The following NPEPPS variants were observed in gnomAD, a reference collection of about 807,000 sequenced individuals.
NPEPPS encodes puromycin-sensitive aminopeptidase.
Under a neutral mutation model 115.5 loss-of-function variants are expected in NPEPPS, and 14 were observed. That is an observed-to-expected ratio of 0.12 (90% confidence interval 0.08 to 0.19). The LOEUF (loss-of-function observed/expected upper bound fraction) is 0.19. Among genes scored for constraint, NPEPPS ranks in the 10% least tolerant of loss-of-function variants. NPEPPS has a pLI of 1.00. For missense variants in NPEPPS, 523 were observed against 1,110.8 expected, an observed-to-expected ratio of 0.47 and a Z score of 7.52; for synonymous variants, 285 against 390.6, an observed-to-expected ratio of 0.73 and a Z score of 3.19.
intron 4 of NPEPPS, 190 bp from the exon 5 acceptor site, chr17:47,582,552 C>T: frequency 1.6e-6 from 1 of 635,164 alleles, no homozygotes; most frequent in Non-Finnish European, 2.9e-6. Flanking sequence ...TGGATATTTG[C>T]TGGAATGGCA....
chr17:47,526,943 G>C (rs1345825867), upstream of NPEPPS, among the ~76,000 whole-genome samples: 3 of 151,942 alleles, frequency 2.0e-5, no homozygotes, highest in African/African-American at 7.3e-5. Context: ...GGGCGGCAGA[G>C]CGAGACTCTG....
rs1251961176 is a variant in NPEPPS, at chr17:47,607,807, A to T, written c.2095+2255A>T. On this transcript the variant is annotated intron_variant, in intron 17 of 22. Transcript: ENST00000322157. Reference sequence around the variant, plus strand: ...TTGGCCTGCAGAACTGGAAGAATGAAGTTGCCATGTACAGGGATAGGGAAG... The same window carrying T: ...TTGGCCTGCAGAACTGGAAGAATGATGTTGCCATGTACAGGGATAGGGAAG... 7.9e-5 allele frequency among the ~76,000 whole-genome samples: 12 copies of T among 152,178 alleles called. No individual in the cohort carries two copies. In the East Asian group the frequency reaches 2.3e-3, roughly 29 times the overall value.
In NPEPPS at chr17:47,612,561, G is replaced by A. The variant is rs1913939246; in HGVS notation, c.2197G>A (p.Val733Met). The change falls in exon 18 of 23, where the codon GTG (valine) becomes ATG (methionine). Residue 733 changes from valine to methionine, a missense_variant. Coordinates refer to ENST00000322157, the MANE Select transcript of NPEPPS (RefSeq NM_006310.4). ...EEARRRFKDH[V>M]EGKQILSADL... ...AGCCCGTCGTCGGTTTAAGGACCAC[G>A]TGGAAGGAAAACAGATTCTCTCCGC... 2 of 1,613,864 alleles carry A rather than the reference G, an allele frequency of 1.2e-6. No individual in the cohort carries two copies. Among genetic ancestry groups the A allele is most frequent in the East Asian group, 2.2e-5 (1 of 44,882 alleles).
intron 15 of NPEPPS, 90 bp downstream of exon 15, chr17:47,601,837 G>C: frequency 2.9e-6 from 3 of 1,037,320 alleles, no homozygotes; most frequent in Non-Finnish European, 1.3e-6. Context: ...TAGTTTCAAA[G>C]AAAAAAAAAA....
At chr17:47,597,456 A>G (rs548433036) in intron 13 of NPEPPS, among the ~76,000 whole-genome samples, 9 of 152,272 alleles carry the variant, frequency 5.9e-5, no homozygotes, top group African/African-American at 1.4e-4. Flanking sequence ...AAGTGGATTC[A>G]TAGTTCTTTT....
intron 12 of NPEPPS, among the ~76,000 whole-genome samples, chr17:47,592,996 CT>C (rs962975362): frequency 1.3e-5 from 2 of 152,128 alleles, no homozygotes; most frequent in African/African-American, 4.8e-5. Flanking sequence ...AAATCTGAAA[CT>C]TTTTGAGTGC....
chr17:47,601,243 A>T (rs529295096), intron 14 of NPEPPS, among the ~76,000 whole-genome samples: 41 of 152,136 alleles, frequency 2.7e-4, no homozygotes, highest in South Asian at 1.5e-3. Flanking sequence ...TCCAAAAAAA[A>T]ATATACATAC....
At chr17:47,589,094 T>C in intron 9 of NPEPPS, among the ~76,000 whole-genome samples, 1 of 152,058 alleles carries the variant, frequency 6.6e-6, no homozygotes. Context: ...TTTTGCACTT[T>C]TTGTAGAGAC....
At chr17:47,575,317 C>G (rs1396791230) in intron 3 of NPEPPS, among the ~76,000 whole-genome samples, 1 of 151,926 alleles carries the variant, frequency 6.6e-6, no homozygotes, top group African/African-American at 2.4e-5. Context: ...CTTCTTTTCC[C>G]CTTAACTGTA....
intron 17 of NPEPPS, among the ~76,000 whole-genome samples, chr17:47,611,421 T>C (rs973818740): frequency 6.7e-6 from 1 of 149,468 alleles, no homozygotes; most frequent in Non-Finnish European, 1.5e-5. Flanking sequence ...ATCATGCCAC[T>C]GTACTCCAGC....
intron 19 of NPEPPS, among the ~76,000 whole-genome samples, chr17:47,614,960 G>C (rs1914096458): frequency 6.6e-6 from 1 of 151,694 alleles, no homozygotes; most frequent in Non-Finnish European, 1.5e-5. Flanking sequence ...CTGATATTTT[G>C]GTTTTAAACA....
chr17:47,604,183 A>C, intron 16 of NPEPPS, 134 bp downstream of exon 16: 2 of 686,528 alleles, frequency 2.9e-6, no homozygotes, highest in Non-Finnish European at 4.5e-6. Context: ...GACTAGAGCA[A>C]ATCACTGTTT....
chr17:47,617,840 T>C (rs1322836639), intron 19 of NPEPPS, among the ~76,000 whole-genome samples: 2 of 152,074 alleles, frequency 1.3e-5, no homozygotes, highest in South Asian at 2.1e-4. Context: ...ATTTACTTAC[T>C]GTAACAGCAG....
chr17:47,604,284 G>A (rs1913397519), intron 16 of NPEPPS, among the ~76,000 whole-genome samples: 1 of 152,002 alleles, frequency 6.6e-6, no homozygotes, highest in African/African-American at 2.4e-5. Flanking sequence ...ACTATCCTTT[G>A]TAAGGCAAAA....
chr17:47,599,565 G>C (rs757289212), intron 13 of NPEPPS, 111 bp from the exon 14 acceptor site: 1 of 769,568 alleles, frequency 1.3e-6, no homozygotes, highest in Non-Finnish European at 2.2e-6. Flanking sequence ...ACATTTGGTT[G>C]TGCTCGTTCC....
At chr17:47,533,637 GTTTGA>G (rs775972014) in intron 1 of NPEPPS, among the ~76,000 whole-genome samples, 3 of 152,138 alleles carry the variant, frequency 2.0e-5, no homozygotes, top group South Asian at 2.1e-4. Flanking sequence ...AAAGAAGTGA[GTTTGA>G]TTTAAGTATC....
chr17:47,532,583 G>T (rs1301491426), intron 1 of NPEPPS, among the ~76,000 whole-genome samples: 1 of 149,884 alleles, frequency 6.7e-6, no homozygotes, highest in Non-Finnish European at 1.5e-5. Flanking sequence ...AACCCGGGGG[G>T]CAGAGGTTGC....
chr17:47,555,060 G>A (rs1383369338), intron 2 of NPEPPS, among the ~76,000 whole-genome samples: 1 of 152,134 alleles, frequency 6.6e-6, no homozygotes, highest in Non-Finnish European at 1.5e-5. Context: ...TGCAGATAAG[G>A]GGGGACTTGT....
In NPEPPS at chr17:47,559,661, T is replaced by C. The variant is rs1268419177; in HGVS notation, c.341-9756T>C. The C allele has an allele frequency of 2.0e-5, 9 of 455,706 alleles. No homozygotes were observed. In the Admixed American group the frequency reaches 2.1e-4, roughly 11 times the overall value. The allele number at this position is 455,706 out of a possible 1,614,324, so 28.2% of individuals were successfully genotyped here. On this transcript the variant is annotated intron_variant, in intron 2 of 22. Transcript: ENST00000322157. ...GTTTAATCACATTCCACTTGTGGAC[T>C]GCTTTTCTTCTTGTTCATCTTTCCT... is the stretch of plus-strand genomic sequence containing the variant.
Sources: gnomAD v4.1 joint callset for allele counts (sites outside exome capture counted in the v4.1 genomes callset) on GRCh38, gnomAD v4.1.1 for gene constraint, MANE v1.5 for transcripts, NCBI Gene and HGNC (gene_info 2026-07-23, HGNC 2026-07-21) for gene names.